Variants in RFX3 observed in about 807,000 individuals in gnomAD.
The protein encoded by RFX3 is transcription factor RFX3.
A neutral mutation model predicts 98.6 loss-of-function variants in RFX3; 14 were observed. That is an observed-to-expected ratio of 0.14 (90% confidence interval 0.09 to 0.22). RFX3 has a LOEUF of 0.22. RFX3 is among the 10% of genes least tolerant of loss of function. The probability of loss-of-function intolerance (pLI) is 1.00; values close to 1 mark genes in which losing one functional copy is unlikely to be tolerated. For synonymous variants in RFX3, 383 were observed against 328.4 expected, an observed-to-expected ratio of 1.17 and a Z score of -1.80; for missense variants, 639 against 926.9, an observed-to-expected ratio of 0.69 and a Z score of 4.03.
intron 2 of RFX3, among the ~76,000 whole-genome samples, chr9:3,389,991 A>G (rs1840133837): frequency 6.6e-6 from 1 of 152,176 alleles, no homozygotes; most frequent in Non-Finnish European, 1.5e-5. Flanking sequence ...AAAATAAACA[A>G]AAAATCATAA....
intron 1 of RFX3, among the ~76,000 whole-genome samples, chr9:3,488,619 G>T (rs189218907): frequency 4.6e-5 from 7 of 152,260 alleles, no homozygotes; most frequent in African/African-American, 1.7e-4. Context: ...TTGTAACTCT[G>T]AAATTGTAAC....
chr9:3,514,926 T>A (rs1384178216), intron 1 of RFX3, among the ~76,000 whole-genome samples: 1 of 152,212 alleles, frequency 6.6e-6, no homozygotes, highest in Non-Finnish European at 1.5e-5. Context: ...TAATAGCTTT[T>A]CATGTTTTTT....
intron 1 of RFX3, among the ~76,000 whole-genome samples, chr9:3,493,302 G>C (rs552703415): frequency 6.6e-6 from 1 of 152,170 alleles, no homozygotes; most frequent in African/African-American, 2.4e-5. Flanking sequence ...CCTGACTTCT[G>C]ATCCACTCTG....
At chr9:3,445,573 C>T (rs149667340) in intron 1 of RFX3, among the ~76,000 whole-genome samples, 70 of 152,220 alleles carry the variant, frequency 4.6e-4, no homozygotes, top group Non-Finnish European at 9.3e-4. Context: ...ATGATCACTG[C>T]GTACAGACTC....
chr9:3,274,630 C>T (rs548553553), intron 9 of RFX3, among the ~76,000 whole-genome samples: 4 of 152,150 alleles, frequency 2.6e-5, no homozygotes, highest in African/African-American at 9.6e-5. Flanking sequence ...AAAACTGGAA[C>T]CTCAGTGATC....
intron 2 of RFX3, among the ~76,000 whole-genome samples, chr9:3,388,286 A>G (rs1388142129): frequency 1.3e-5 from 2 of 152,110 alleles, no homozygotes; most frequent in African/African-American, 4.8e-5. Flanking sequence ...TAGATACCCA[A>G]AATAAAGAGA....
At chr9:3,250,272 C>T (rs1821211478) in intron 14 of RFX3, among the ~76,000 whole-genome samples, 1 of 151,858 alleles carries the variant, frequency 6.6e-6, no homozygotes, top group Non-Finnish European at 1.5e-5. Flanking sequence ...ATATTTGCTC[C>T]TAATTGCATT....
Position 3,266,194 on chromosome 9 carries a change from G to A in RFX3, c.1455+14C>T. ...TCCTCAACACAAAAGAAAAAGCAAG[G>A]ACATAAAGTATACCTTGGTTTGTAT... On this transcript the variant is annotated intron_variant, in intron 12 of 16. Transcript: ENST00000617270. The A allele has an allele frequency of 6.7e-7, 1 of 1,485,234 alleles. No individual in the cohort carries two copies. Among genetic ancestry groups the A allele is most frequent in the Non-Finnish European group, 9.3e-7 (1 of 1,069,724 alleles). The allele number at this position is 1,485,234 out of a possible 1,614,324, so 92.0% of individuals were successfully genotyped here.
At chr9:3,480,725 T>C (rs556817284) in intron 1 of RFX3, among the ~76,000 whole-genome samples, 7 of 152,296 alleles carry the variant, frequency 4.6e-5, no homozygotes, top group African/African-American at 1.7e-4. Flanking sequence ...TTAAAAGCCA[T>C]ATGACCTTAG....
intron 1 of RFX3, among the ~76,000 whole-genome samples, chr9:3,402,919 CA>C (rs1247147177): frequency 1.3e-5 from 2 of 151,464 alleles, no homozygotes; most frequent in African/African-American, 2.4e-5. Context: ...CTAACAACAA[CA>C]AAAAAACACC....
At chr9:3,383,502 T>C (rs1839406978) in intron 2 of RFX3, among the ~76,000 whole-genome samples, 1 of 152,098 alleles carries the variant, frequency 6.6e-6, no homozygotes, top group South Asian at 2.1e-4. Context: ...GAAGTAGAGC[T>C]TAAGAGCTCA....
chr9:3,371,991 C>A lies in RFX3; in HGVS notation c.117+23481G>T, dbSNP rs188750096. 5.6e-3 allele frequency among the ~76,000 whole-genome samples: 849 copies of A among 152,232 alleles called. 10 individuals are homozygous for A. The highest frequency in any genetic ancestry group is 8.4e-3 in the Admixed American group (129 of 15,284). On this transcript the variant is annotated intron_variant, in intron 2 of 16. Transcript: ENST00000617270. ...AAATGTTTAGCCACAATAGAGATTA[C>A]CTAAGGTAGTCATTATTCTAATACC... is the stretch of plus-strand genomic sequence containing the variant.
intron 4 of RFX3, among the ~76,000 whole-genome samples, chr9:3,306,641 C>T (rs1349640140): frequency 6.6e-6 from 1 of 150,806 alleles, no homozygotes. Context: ...AGGAGACATA[C>T]CTAATGCTAA....
intron 2 of RFX3, among the ~76,000 whole-genome samples, chr9:3,361,397 G>C (rs1299459441): frequency 1.3e-5 from 2 of 152,138 alleles, no homozygotes; most frequent in Non-Finnish European, 2.9e-5. Flanking sequence ...GGATATGCTA[G>C]AAGGGAAGAC....
chr9:3,276,113 C>T (rs1477730909), intron 8 of RFX3, among the ~76,000 whole-genome samples: 2 of 152,120 alleles, frequency 1.3e-5, no homozygotes, highest in Admixed American at 1.3e-4. Flanking sequence ...GGATGATGCT[C>T]TTGTCCTGTA....
At chr9:3,447,464 G>C (rs767775217) in intron 1 of RFX3, among the ~76,000 whole-genome samples, 1 of 152,104 alleles carries the variant, frequency 6.6e-6, no homozygotes, top group Non-Finnish European at 1.5e-5. Context: ...AACAAAAGAA[G>C]ACTATTTCTC....
At chr9:3,444,420 C>A (rs1240684908) in intron 1 of RFX3, among the ~76,000 whole-genome samples, 1 of 151,888 alleles carries the variant, frequency 6.6e-6, no homozygotes, top group Non-Finnish European at 1.5e-5. Context: ...AGGGATAGAT[C>A]TTGGTGGGGC....
At chr9:3,236,218 T>C (rs139518235) in intron 15 of RFX3, among the ~76,000 whole-genome samples, 7 of 152,350 alleles carry the variant, frequency 4.6e-5, no homozygotes, top group African/African-American at 1.2e-4. Context: ...TACAAGTTCC[T>C]ACCGGTCTGA....
chr9:3,410,019 T>C (rs920055808), intron 1 of RFX3, among the ~76,000 whole-genome samples: 1 of 152,154 alleles, frequency 6.6e-6, no homozygotes. Context: ...GCAAAGTGCT[T>C]ACTACACAAG....
Sources: gnomAD v4.1 joint callset for allele counts (sites outside exome capture counted in the v4.1 genomes callset) on GRCh38, gnomAD v4.1.1 for gene constraint, MANE v1.5 for transcripts, NCBI Gene and HGNC (gene_info 2026-07-23, HGNC 2026-07-21) for gene names.